The following NDUFAB1 variants were observed in gnomAD, a reference collection of about 807,000 sequenced individuals.
NDUFAB1 encodes the protein NADH:ubiquinone oxidoreductase subunit AB1.
A neutral mutation model predicts 16.1 loss-of-function variants in NDUFAB1; 5 were observed. The observed-to-expected ratio is 0.31, with a 90% CI of 0.16 to 0.65. The LOEUF is 0.65. NDUFAB1 is among the 30% of genes least tolerant of loss of function. The probability of loss-of-function intolerance (pLI) is 0.77; values close to 1 mark genes in which losing one functional copy is unlikely to be tolerated. For missense variants in NDUFAB1, 187 were observed against 205.3 expected, an observed-to-expected ratio of 0.91 and a Z score of 0.54; for synonymous variants, 85 against 78.4, an observed-to-expected ratio of 1.08 and a Z score of -0.44.
chr16:23,596,018 G>T (rs924560769), intron 1 of NDUFAB1, 105 bp downstream of exon 1: 10 of 1,371,736 alleles, frequency 7.3e-6, no homozygotes, highest in Non-Finnish European at 9.7e-6. Flanking sequence ...CTGCCCCCCG[G>T]GTCACCCCTG....
chr16:23,586,853 A>G (rs111884776), intron 2 of NDUFAB1, among the ~76,000 whole-genome samples: 14 of 146,588 alleles, frequency 9.6e-5, no homozygotes, highest in Non-Finnish European at 1.5e-5. Context: ...TCTACATGTT[A>G]GTCAGGCTGG....
Position 23,582,270 on chromosome 16 carries a change from A to G in NDUFAB1, c.*8+6T>C, listed in dbSNP as rs1388734812. 1 of 1,496,274 alleles carries G rather than the reference A, an allele frequency of 6.7e-7. No homozygotes were observed. Among genetic ancestry groups the G allele is most frequent in the African/African-American group, 1.4e-5 (1 of 70,132 alleles). The allele number at this position is 1,496,274 out of a possible 1,614,324, so 92.7% of individuals were successfully genotyped here. ...TGGGTGAACATCATTTTTTAAGTCTATTTACCTGATACTTTATTCATATAC... is the reference window on the plus strand; with the variant it reads ...TGGGTGAACATCATTTTTTAAGTCTGTTTACCTGATACTTTATTCATATAC... On this transcript the variant is annotated splice_donor_region_variant and intron_variant, in intron 4 of 4. Transcript: ENST00000007516.
At chr16:23,582,904 T>C (rs2142231024) in intron 3 of NDUFAB1, among the ~76,000 whole-genome samples, 1 of 150,868 alleles carries the variant, frequency 6.6e-6, no homozygotes, top group Non-Finnish European at 1.5e-5. Flanking sequence ...CTCTGCTCAC[T>C]GCAACCTCCC....
chr16:23,584,254 T>TAAAAAAAAAAAAA (rs774895056), intron 3 of NDUFAB1, among the ~76,000 whole-genome samples: 22 of 12,118 alleles, frequency 1.8e-3, no homozygotes, highest in East Asian at 6.7e-3. Context: ...GAATGATCAA[T>TAAAAAAAAAAAAA]TAAAAAAAAA....
Position 23,587,221 on chromosome 16 carries a change from G to C in NDUFAB1, c.267C>G (p.Leu89=). The part of the protein sequence containing the change: ...IQDRVLYVLK[L]YDKIDPEKLS... ...CCTTCTCTGGGTCAATCTTGTCATA[G>C]AGTTTCAATACGTAAAGAACACGGT... Residue 89 remains leucine, a synonymous_variant, in exon 2 of 5, where the codon CTC becomes CTG. Coordinates refer to ENST00000007516, the MANE Select transcript of NDUFAB1 (RefSeq NM_005003.3). 1 of 1,613,840 alleles carries C rather than the reference G, an allele frequency of 6.2e-7. No homozygotes were observed. The highest frequency in any genetic ancestry group is 8.5e-7 in the Non-Finnish European group (1 of 1,179,872).
intron 3 of NDUFAB1, 56 bp from the exon 4 acceptor site, chr16:23,582,431 A>C (rs377008950): frequency 1.4e-6 from 2 of 1,480,604 alleles, no homozygotes. Flanking sequence ...ATCCTTTAGA[A>C]CTGAACACAC....
chr16:23,584,492 T>A (rs866446090), intron 3 of NDUFAB1, among the ~76,000 whole-genome samples: 6 of 151,056 alleles, frequency 4.0e-5, no homozygotes, highest in Non-Finnish European at 8.8e-5. Flanking sequence ...GATGGTTGGG[T>A]TTTTATAAAT....
chr16:23,582,428 A>G, intron 3 of NDUFAB1, 53 bp from the exon 4 acceptor site: 1 of 1,484,280 alleles, frequency 6.7e-7, no homozygotes, highest in Non-Finnish European at 8.9e-7. Context: ...AAAATCCTTT[A>G]GAACTGAACA....
chr16:23,587,572 C>G (rs1370514724), intron 1 of NDUFAB1, among the ~76,000 whole-genome samples: 4 of 152,254 alleles, frequency 2.6e-5, no homozygotes, highest in Admixed American at 1.3e-4. Flanking sequence ...CTTCAACCCT[C>G]AGGCTCTGGA....
chr16:23,582,293 T>A lies in NDUFAB1; in HGVS notation c.462A>T (p.Val154=). The A allele has an allele frequency of 6.4e-7, 1 of 1,554,086 alleles. No homozygotes were observed. ...CTATTTACCTGATACTTTATTCATATACATCCTTCTTATCTGCAATGTAAT... is the reference window on the plus strand; with the variant it reads ...CTATTTACCTGATACTTTATTCATAAACATCCTTCTTATCTGCAATGTAAT... The part of the protein sequence containing the change: ...IVDYIADKKD[V]YE The change falls in exon 4 of 5, where the codon GTA becomes GTT. Residue 154 remains valine (V), a synonymous_variant. Transcript: ENST00000007516.
chr16:23,594,865 G>A (rs957909234), intron 1 of NDUFAB1, among the ~76,000 whole-genome samples: 1 of 152,026 alleles, frequency 6.6e-6, no homozygotes, highest in African/African-American at 2.4e-5. Flanking sequence ...TTTGAAAAGG[G>A]GTTTCATAAC....
chr16:23,587,422 A>G (rs552799616), intron 1 of NDUFAB1, 103 bp from the exon 2 acceptor site: 1 of 1,393,080 alleles, frequency 7.2e-7, no homozygotes, highest in East Asian at 2.5e-5. Context: ...GGGGCTTTAG[A>G]GAACCCACAG....
intron 1 of NDUFAB1, among the ~76,000 whole-genome samples, chr16:23,594,954 G>C (rs1382304711): frequency 6.7e-6 from 1 of 150,122 alleles, no homozygotes; most frequent in African/African-American, 2.4e-5. Flanking sequence ...GGAGAACTTA[G>C]AAAACAACAA....
chr16:23,581,808 C>A (rs9937390), intron 4 of NDUFAB1: 22,069 of 152,296 alleles, frequency 0.14, 1,783 homozygotes, highest in African/African-American at 0.2. Flanking sequence ...AGCTAAGCAG[C>A]CTGCCTGAGA....
intron 1 of NDUFAB1, among the ~76,000 whole-genome samples, chr16:23,591,708 T>G (rs1966281175): frequency 6.6e-6 from 1 of 152,182 alleles, no homozygotes; most frequent in Admixed American, 6.5e-5. Flanking sequence ...CCCAACAATG[T>G]TCCCTTCCAG....
intron 2 of NDUFAB1, among the ~76,000 whole-genome samples, chr16:23,586,928 A>T (rs901692013): frequency 6.6e-6 from 1 of 152,164 alleles, no homozygotes; most frequent in African/African-American, 2.4e-5. Context: ...GATTACAGGC[A>T]TGAGCCACAG....
Position 23,582,274 on chromosome 16 carries a change from A to C in NDUFAB1, c.*8+2T>G, listed in dbSNP as rs766637308. ...TGAACATCATTTTTTAAGTCTATTT[A>C]CCTGATACTTTATTCATATACATCC... On this transcript the variant is annotated splice_donor_variant, in intron 4 of 4. Transcript: ENST00000007516. LOFTEE classifies it low-confidence loss of function (3UTR_SPLICE). 1 of 1,507,530 alleles carries C rather than the reference A, an allele frequency of 6.6e-7. No individual in the cohort carries two copies. 93.4% of individuals were successfully genotyped at this position (1,507,530 alleles called of 1,614,324 possible). A position where few individuals can be genotyped will look rare whatever the true frequency, so the allele number is the denominator to read the frequency against.
At chr16:23,586,091 C>G (rs1966230469) in intron 2 of NDUFAB1, among the ~76,000 whole-genome samples, 1 of 151,894 alleles carries the variant, frequency 6.6e-6, no homozygotes, top group Admixed American at 6.6e-5. Context: ...CCACGCCCAG[C>G]TAATTTTTGT....
rs771115278 is a variant in NDUFAB1, at chr16:23,582,392, C to G, written c.380-17G>C. Reference sequence around the variant, plus strand: ...TTTCAAACCCTAAAAGAAAAATATACAACAATGTGAGAGAGTTAAAAAAAA... The same window carrying G: ...TTTCAAACCCTAAAAGAAAAATATAGAACAATGTGAGAGAGTTAAAAAAAA... On this transcript the variant is annotated splice_polypyrimidine_tract_variant and intron_variant, in intron 3 of 4. Coordinates refer to ENST00000007516, the MANE Select transcript of NDUFAB1 (RefSeq NM_005003.3). 6.5e-7 allele frequency: 1 copy of G among 1,540,256 alleles called. No individual in the cohort carries two copies. Among genetic ancestry groups the G allele is most frequent in the African/African-American group, 1.4e-5 (1 of 71,572 alleles).
Sources: gnomAD v4.1 joint callset for allele counts (sites outside exome capture counted in the v4.1 genomes callset) on GRCh38, gnomAD v4.1.1 for gene constraint, MANE v1.5 for transcripts, NCBI Gene and HGNC (gene_info 2026-07-23, HGNC 2026-07-21) for gene names.